SLC44A3: variants seen among roughly 807,000 people sequenced by gnomAD.
The protein encoded by SLC44A3 is choline transporter-like protein 3.
Under a neutral mutation model 75.4 loss-of-function variants are expected in SLC44A3, and 74 were observed. The observed-to-expected ratio is 0.98, with a 90% CI of 0.81 to 1.19. The LOEUF is 1.19. Among genes scored for constraint, SLC44A3 ranks in the 50% most tolerant of loss-of-function variants. The pLI, the probability that SLC44A3 is intolerant of heterozygous loss-of-function variation, is 0.00. For missense variants in SLC44A3, 700 were observed against 778.6 expected, an observed-to-expected ratio of 0.90 and a Z score of 1.20; for synonymous variants, 310 against 296.9, an observed-to-expected ratio of 1.04 and a Z score of -0.45.
At chr1:94,848,747 C>T (rs1421071685) in intron 9 of SLC44A3, among the ~76,000 whole-genome samples, 1 of 151,916 alleles carries the variant, frequency 6.6e-6, no homozygotes, top group Non-Finnish European at 1.5e-5. Flanking sequence ...GCAGGATGGT[C>T]CAACAATGAA....
At chr1:94,824,467 C>G (rs1021945041) in intron 2 of SLC44A3, 26 bp from the exon 3 acceptor site, 2 of 1,569,702 alleles carry the variant, frequency 1.3e-6, no homozygotes, top group Non-Finnish European at 1.7e-6. Context: ...TTTGGCCAGG[C>G]TCTCATATGC....
At chr1:94,828,706 GA>G in intron 5 of SLC44A3, 120 bp downstream of exon 5, 4 of 815,552 alleles carry the variant, frequency 4.9e-6, no homozygotes, top group Non-Finnish European at 7.7e-6. Context: ...TGCCTGCAGG[GA>G]GCTTACAGTC....
At chr1:94,836,693 A>T (rs956055679) in intron 5 of SLC44A3, 2 of 152,154 alleles carry the variant, frequency 1.3e-5, no homozygotes, top group South Asian at 2.1e-4. Flanking sequence ...AGGCAGGTGG[A>T]TCGCTTGAGC....
intron 10 of SLC44A3, among the ~76,000 whole-genome samples, chr1:94,861,435 G>A (rs1666558100): frequency 1.3e-5 from 2 of 152,104 alleles, no homozygotes; most frequent in South Asian, 4.1e-4. Flanking sequence ...AATTATGAAT[G>A]GGGGAAGAAA....
At chr1:94,856,888 G>A (rs1265767272) in intron 9 of SLC44A3, among the ~76,000 whole-genome samples, 1 of 152,048 alleles carries the variant, frequency 6.6e-6, no homozygotes, top group Non-Finnish European at 1.5e-5. Context: ...CTGCGACCAT[G>A]CTTGGCTAAT....
At chr1:94,865,530 T>C (rs566051329) in intron 11 of SLC44A3, among the ~76,000 whole-genome samples, 1 of 152,318 alleles carries the variant, frequency 6.6e-6, no homozygotes, top group Admixed American at 6.5e-5. Flanking sequence ...CTTTTGTGCC[T>C]GGGGGATTTC....
At chr1:94,824,380 C>A in intron 2 of SLC44A3, 113 bp from the exon 3 acceptor site, 1 of 1,300,972 alleles carries the variant, frequency 7.7e-7, no homozygotes, top group Non-Finnish European at 1.0e-6. Flanking sequence ...CGCTATGATG[C>A]TGGAGAGCTT....
chr1:94,884,782 T>C (rs1571454391), intron 12 of SLC44A3, among the ~76,000 whole-genome samples: 1 of 152,182 alleles, frequency 6.6e-6, no homozygotes, highest in Non-Finnish European at 1.5e-5. Flanking sequence ...TGAGCTGTGC[T>C]GGCTAAGCGT....
intron 12 of SLC44A3, among the ~76,000 whole-genome samples, chr1:94,879,202 T>TAAC (rs1301388941): frequency 3.9e-4 from 46 of 119,280 alleles, no homozygotes; most frequent in African/African-American, 1.2e-3. Flanking sequence ...TTCTACAATT[T>TAAC]AACAACAACT....
intron 10 of SLC44A3, among the ~76,000 whole-genome samples, chr1:94,860,819 G>A (rs1666479090): frequency 6.6e-6 from 1 of 152,210 alleles, no homozygotes; most frequent in Non-Finnish European, 1.5e-5. Flanking sequence ...GTGTAAGCCA[G>A]AGAGGAAAAC....
intron 9 of SLC44A3, among the ~76,000 whole-genome samples, chr1:94,851,369 C>G (rs1428401514): frequency 1.3e-5 from 2 of 152,178 alleles, no homozygotes; most frequent in African/African-American, 4.8e-5. Flanking sequence ...GACAGCAGTT[C>G]TGCTCTCCAG....
At chr1:94,881,432 C>T (rs1204878292) in intron 12 of SLC44A3, among the ~76,000 whole-genome samples, 6 of 152,206 alleles carry the variant, frequency 3.9e-5, no homozygotes, top group South Asian at 4.1e-4. Flanking sequence ...CGGCCAGGCG[C>T]GGTGGCTGAT....
chr1:94,857,235 G>A (rs1231989154), intron 9 of SLC44A3, 100 bp from the exon 10 acceptor site: 3 of 1,240,262 alleles, frequency 2.4e-6, no homozygotes, highest in Non-Finnish European at 3.3e-6. Context: ...TTTGTTTTAT[G>A]TAATGCCAAA....
chr1:94,839,529 C>T (rs1663292432), intron 6 of SLC44A3, among the ~76,000 whole-genome samples: 1 of 152,080 alleles, frequency 6.6e-6, no homozygotes, highest in African/African-American at 2.4e-5. Flanking sequence ...GCTGGGATTA[C>T]AGGTGCCCGC....
At chr1:94,832,859 G>C (rs541831423) in intron 5 of SLC44A3, among the ~76,000 whole-genome samples, 42 of 152,312 alleles carry the variant, frequency 2.8e-4, no homozygotes, top group African/African-American at 9.9e-4. Flanking sequence ...TTTAGTCCTA[G>C]CTGAAGCTGA....
intron 10 of SLC44A3, among the ~76,000 whole-genome samples, chr1:94,858,966 C>T (rs1443693952): frequency 2.0e-5 from 3 of 152,102 alleles, no homozygotes; most frequent in African/African-American, 4.8e-5. Context: ...CTGGGAATTA[C>T]AGGATGAGCC....
intron 9 of SLC44A3, among the ~76,000 whole-genome samples, chr1:94,853,946 A>G (rs1310054344): frequency 6.6e-6 from 1 of 152,022 alleles, no homozygotes; most frequent in African/African-American, 2.4e-5. Flanking sequence ...TGCTCAATAA[A>G]TGTTTAAGTT....
chr1:94,837,920 G>T, intron 6 of SLC44A3, 49 bp downstream of exon 6: 1 of 1,463,284 alleles, frequency 6.8e-7, no homozygotes. Context: ...GAATGCCAAA[G>T]TTCCTAGCAT....
chr1:94,852,701 G>A (rs1355022715), intron 9 of SLC44A3, among the ~76,000 whole-genome samples: 1 of 152,154 alleles, frequency 6.6e-6, no homozygotes, highest in East Asian at 1.9e-4. Context: ...AGGTCATAAT[G>A]TTGGAAGTGG....
Sources: gnomAD v4.1 joint callset for allele counts (sites outside exome capture counted in the v4.1 genomes callset) on GRCh38, gnomAD v4.1.1 for gene constraint, MANE v1.5 for transcripts, NCBI Gene and HGNC (gene_info 2026-07-23, HGNC 2026-07-21) for gene names.